RAD51B: variants seen among roughly 807,000 people sequenced by gnomAD.
RAD51B encodes RAD51 paralog B.
RAD51B carries 38 observed loss-of-function variants against 42.2 expected under a neutral mutation model. The observed-to-expected ratio is 0.90, with a 90% CI of 0.70 to 1.18. The LOEUF (loss-of-function observed/expected upper bound fraction) is 1.18, where lower values mean the gene tolerates loss of function less well. Ranked by LOEUF, RAD51B falls within the 50% of genes most tolerant of loss-of-function variation. The pLI is 0.00. For synonymous variants in RAD51B, 154 were observed against 145.2 expected (o/e 1.06, Z -0.43); for missense variants, 373 against 400.7 (o/e 0.93, Z 0.59).
At chr14:68,406,659 A>C (rs1416117974) in intron 8 of RAD51B, among the ~76,000 whole-genome samples, 1 of 152,154 alleles carries the variant, frequency 6.6e-6, no homozygotes, top group Non-Finnish European at 1.5e-5. Context: ...TGATAGAGAC[A>C]TTTTTCTTTC....
At chr14:67,914,194 G>A (rs2044079166) in intron 7 of RAD51B, among the ~76,000 whole-genome samples, 2 of 152,072 alleles carry the variant, frequency 1.3e-5, no homozygotes, top group Non-Finnish European at 2.9e-5. Context: ...TATTAGCCAG[G>A]CTGGTCTTGA....
intron 10 of RAD51B, among the ~76,000 whole-genome samples, chr14:68,618,726 T>A (rs1331435633): frequency 6.6e-6 from 1 of 152,210 alleles, no homozygotes; most frequent in Non-Finnish European, 1.5e-5. Flanking sequence ...TAGCCTCAGT[T>A]TGCCCTTAGC....
chr14:68,478,107 T>C (rs923793311), downstream of RAD51B: 1 of 1,041,942 alleles, frequency 9.6e-7, no homozygotes, highest in African/African-American at 1.7e-5. Flanking sequence ...AAAGAGTAGG[T>C]GTAAAGGAAT....
intron 11 of RAD51B, among the ~76,000 whole-genome samples, chr14:68,669,440 C>T (rs61985559): frequency 0.064 from 9,678 of 152,236 alleles, 359 homozygotes; most frequent in African/African-American, 0.074. Flanking sequence ...CCCAGCCAGC[C>T]CCTTGGGCCT....
intron 8 of RAD51B, among the ~76,000 whole-genome samples, chr14:68,349,351 C>A (rs2082736666): frequency 6.6e-6 from 1 of 151,992 alleles, no homozygotes; most frequent in South Asian, 2.1e-4. Context: ...ATTCTCCTTT[C>A]CCTACTTTTT....
intron 7 of RAD51B, among the ~76,000 whole-genome samples, chr14:68,095,971 C>CAAAAAAAAAAAAAAA (rs56862052): frequency 1.6e-5 from 1 of 62,618 alleles, no homozygotes; most frequent in African/African-American, 5.1e-5. Flanking sequence ...GACTCCGTCT[C>CAAAAAAAAAAAAAAA]AAAAAAAAAA....
At chr14:68,488,826 C>G (rs1034168695) in intron 10 of RAD51B, among the ~76,000 whole-genome samples, 8 of 152,232 alleles carry the variant, frequency 5.3e-5, no homozygotes, top group African/African-American at 1.7e-4. Flanking sequence ...AAAAATTTCT[C>G]TTTCACAGTC....
At chr14:68,545,466 AT>A (rs993602751) in intron 10 of RAD51B, 46 of 420,150 alleles carry the variant, frequency 1.1e-4, no homozygotes, top group South Asian at 3.6e-4. Flanking sequence ...TGTGCCAGGC[AT>A]TTTTTTTCAG....
chr14:68,159,158 C>T (rs372107702), intron 7 of RAD51B, among the ~76,000 whole-genome samples: 6 of 147,314 alleles, frequency 4.1e-5, no homozygotes, highest in South Asian at 2.1e-4. Context: ...GATGTAATAA[C>T]ATCAGCCATG....
At chr14:68,166,918 G>C (rs2078765244) in intron 7 of RAD51B, among the ~76,000 whole-genome samples, 2 of 152,046 alleles carry the variant, frequency 1.3e-5, no homozygotes, top group African/African-American at 4.8e-5. Flanking sequence ...AGATTTAACT[G>C]TCTTAATACT....
In RAD51B at chr14:68,681,252, C is replaced by T. The variant is rs1893423748; in HGVS notation, c.*11+30396C>T. Among the ~76,000 whole-genome samples the T allele has an allele frequency of 3.3e-5, 5 of 152,172 alleles. No homozygotes were observed. In the South Asian group the frequency reaches 8.3e-4, roughly 25 times the overall value. On this transcript the variant is annotated intron_variant, in intron 11 of 11. Transcript: ENST00000488612. ...TGTGGAGACTGAAAAAAGATAGTTGCTAGGGTTTATCAGAGGGTTTGGAGT... is the reference window on the plus strand; with the variant it reads ...TGTGGAGACTGAAAAAAGATAGTTGTTAGGGTTTATCAGAGGGTTTGGAGT...
downstream of RAD51B, among the ~76,000 whole-genome samples, chr14:68,482,178 T>G (rs879768761): frequency 6.5e-4 from 96 of 148,306 alleles, no homozygotes; most frequent in East Asian, 2.9e-3. Context: ...ATTTTAGGGG[T>G]GTGTGTGTGT....
chr14:68,545,407 T>C (rs1888170057), intron 10 of RAD51B, among the ~76,000 whole-genome samples: 1 of 152,280 alleles, frequency 6.6e-6, no homozygotes, highest in Non-Finnish European at 1.5e-5. Flanking sequence ...TTCCCCTTGC[T>C]TCAGGCTCTT....
At chr14:68,130,507 A>G (rs1428641644) in intron 7 of RAD51B, among the ~76,000 whole-genome samples, 2 of 152,210 alleles carry the variant, frequency 1.3e-5, no homozygotes, top group East Asian at 1.9e-4. Context: ...TTGCTTTACA[A>G]CTGTATTTGT....
chr14:67,984,523 T>G (rs1336333329), intron 7 of RAD51B, among the ~76,000 whole-genome samples: 2 of 152,206 alleles, frequency 1.3e-5, no homozygotes, highest in African/African-American at 4.8e-5. Context: ...TCTGTGTCAC[T>G]GCTTTTCAGT....
intron 11 of RAD51B, among the ~76,000 whole-genome samples, chr14:68,682,324 TAACA>T (rs1448445400): frequency 6.6e-6 from 1 of 152,126 alleles, no homozygotes; most frequent in Non-Finnish European, 1.5e-5. Context: ...CCTTTTGAAA[TAACA>T]AACCATCTGA....
At chr14:68,235,775 A>G (rs1324027299) in intron 7 of RAD51B, among the ~76,000 whole-genome samples, 1 of 151,460 alleles carries the variant, frequency 6.6e-6, no homozygotes, top group African/African-American at 2.4e-5. Flanking sequence ...TTGTAGCACT[A>G]TTCACAATAG....
At chr14:68,366,788 T>C (rs2083151944) in intron 8 of RAD51B, among the ~76,000 whole-genome samples, 2 of 152,220 alleles carry the variant, frequency 1.3e-5, no homozygotes, top group South Asian at 4.1e-4. Flanking sequence ...TTAGTGGGCA[T>C]GTAAATGAAA....
intron 7 of RAD51B, among the ~76,000 whole-genome samples, chr14:68,244,414 G>A (rs1340676333): frequency 1.3e-5 from 2 of 152,190 alleles, no homozygotes; most frequent in Non-Finnish European, 2.9e-5. Context: ...TTATTCTCCT[G>A]AGCTCTCTTT....
Sources: gnomAD v4.1 joint callset for allele counts (sites outside exome capture counted in the v4.1 genomes callset) on GRCh38, gnomAD v4.1.1 for gene constraint, MANE v1.5 for transcripts, NCBI Gene and HGNC (gene_info 2026-07-23, HGNC 2026-07-21) for gene names.